Variants in ARSA observed in about 807,000 individuals in gnomAD.
ARSA encodes the protein arylsulfatase A.
In ARSA, 32 loss-of-function variants were observed where a neutral mutation model predicts 37.8. The observed-to-expected ratio is 0.85, with a 90% CI of 0.64 to 1.14. The LOEUF (loss-of-function observed/expected upper bound fraction) is 1.14. Ranked by LOEUF, ARSA falls within the 50% of genes most tolerant of loss-of-function variation. ARSA has a pLI of 0.00. For missense variants in ARSA, 685 were observed against 686.3 expected (o/e 1.00, Z 0.02); for synonymous variants, 303 against 303.4 (o/e 1.00, Z 0.01).
chr22:50,625,659 A>G lies in ARSA; in HGVS notation c.1130T>C (p.Phe377Ser). ...TGKSPRQSLF[F>S]YPSYPDEVRG... is the part of the protein sequence containing the mutation. ...GACCTCGTCTGGGTAGGACGGGTAG[A>G]AGAAGAGAGACTGCCGAGGGCTCTG... Residue 377 changes from phenylalanine to serine, a missense_variant, in exon 7 of 8, where the codon TTC (phenylalanine) becomes TCC (serine). By Grantham distance (155) the Phe-to-Ser change is radical (BLOSUM62 -2). Transcript: ENST00000216124. 1 of 1,613,638 alleles carries G rather than the reference A, an allele frequency of 6.2e-7. No individual in the cohort carries two copies. The highest frequency in any genetic ancestry group is 8.5e-7 in the Non-Finnish European group (1 of 1,179,938).
rs1359332879 is a variant in ARSA at position 50,626,054 on chromosome 22, T to C, written c.989A>G (p.His330Arg). The C allele has an allele frequency of 7.5e-6, 12 of 1,593,752 alleles. No homozygotes were observed. Among genetic ancestry groups the C allele is most frequent in the Admixed American group, 1.8e-5 (1 of 55,006 alleles). The change falls in exon 6 of 8, where the codon CAC becomes CGC. Residue 330 changes from histidine (H) to arginine (R), a missense_variant. Coordinates refer to ENST00000216124, the MANE Select transcript of ARSA (RefSeq NM_000487.6). ...CAGGTCCAGGGAGCTGGCCAGCTCG[T>C]GGGTCACGCCTGGGGGCAGGAGGCT... The part of the protein sequence containing the change: ...WPGHIAPGVT[H>R]ELASSLDLLP...
rs761860059 is a variant in ARSA at position 50,627,285 on chromosome 22, G to C, written c.346C>G (p.Arg116Gly). 4 of 1,591,966 alleles carry C rather than the reference G, an allele frequency of 2.5e-6. No individual in the cohort carries two copies. The South Asian group carries it at 3.4e-5, about 13-fold the overall frequency. Reference protein sequence around the residue: ...EVTVAEVLAARGYLTGMAGKW... With the variant: ...EVTVAEVLAAGGYLTGMAGKW... ...CCGGCCATTCCTGTGAGGTAGCCTC[G>C]GGCAGCCAGGACTTCGGCCACGGTC... The change falls in exon 2 of 8, where the codon CGA (arginine) becomes GGA (glycine). Residue 116 changes from arginine to glycine, a missense_variant. By Grantham distance (125) the Arg-to-Gly change is moderately radical. Transcript: ENST00000216124.
chr22:50,625,873 C>A (rs1478364499), intron 6 of ARSA, 63 bp downstream of exon 6: 9 of 1,555,126 alleles, frequency 5.8e-6, no homozygotes, highest in Non-Finnish European at 7.8e-6. Context: ...ACTGCCCACA[C>A]TCACCCCAGG....
Position 50,625,387 on chromosome 22 carries a change from G to A in ARSA, c.1288C>T (p.Leu430Phe), listed in dbSNP as rs763190974. 6.2e-7 allele frequency: 1 copy of A among 1,601,362 alleles called. No homozygotes were observed. Among genetic ancestry groups the A allele is most frequent in the East Asian group, 2.2e-5 (1 of 44,622 alleles). ...SSLTAHEPPLLYDLSKDPGEN... is the reference protein window; with the variant it reads ...SSLTAHEPPLFYDLSKDPGEN... The stretch of plus-strand genomic sequence containing the variant: ...CCAGGGTCCTTGGACAGGTCATAGA[G>A]CAGCGGGGGCTCATGAGCAGTCAGA... The change falls in exon 8 of 8, where the codon CTC becomes TTC. Residue 430 changes from leucine to phenylalanine, a missense_variant. Coordinates refer to ENST00000216124, the MANE Select transcript of ARSA (RefSeq NM_000487.6).
rs2082612887 is a variant in ARSA, at chr22:50,623,118, T to C, written c.*2027A>G. ...GGGAGGTGTCTGAACGCCCGGAAGG[T>C]GTGCTCCTCTCACTTGGCCAACACT... On this transcript the variant is annotated 3_prime_UTR_variant, in exon 8 of 8. Transcript: ENST00000216124. The C allele has an allele frequency of 6.6e-6, 1 of 152,308 alleles. No individual in the cohort carries two copies. The highest frequency in any genetic ancestry group is 2.1e-4 in the South Asian group (1 of 4,822). 9.4% of individuals were successfully genotyped at this position (152,308 alleles called of 1,614,324 possible). A position where few individuals can be genotyped will look rare whatever the true frequency, so the allele number is the denominator to read the frequency against.
In ARSA at chr22:50,625,337, AC is replaced by A. The variant is rs750030142; in HGVS notation, c.1337del (p.Gly446ValfsTer13). 1.9e-6 allele frequency: 3 copies of A among 1,611,646 alleles called. No homozygotes were observed. The highest frequency in any genetic ancestry group is 1.7e-6 in the Non-Finnish European group (2 of 1,179,234). ...DPGENYNLLG[G>X]VAGATPEVLQ... ...GCACCTCTGGGGTGGCCCCGGCCAC[AC>A]CCCCCAGCAGGTTGTAGTTCTCACC... On this transcript the variant is annotated frameshift_variant, in exon 8 of 8. Transcript: ENST00000216124. LOFTEE classifies it low-confidence loss of function (END_TRUNC).
At position 50,626,665 on chromosome 22, in the gene ARSA, C is replaced by T. The variant is rs368769871; in HGVS notation, c.780G>A (p.Val260=). 7 of 1,614,152 alleles carry T rather than the reference C, an allele frequency of 4.3e-6. No homozygotes were observed. The East Asian group carries it at 1.6e-4, about 36-fold the overall frequency. ...CCCCTATGGCTGTCATCAGGGTCCC[C>T]ACAGCTGCATCCAGCTCCATCAGGG... ...GDSLMELDAA[V]GTLMTAIGDL... is the part of the protein sequence containing the mutation. Residue 260 remains valine (V), a synonymous_variant, in exon 4 of 8, where the codon GTG becomes GTA. Coordinates refer to ENST00000216124, the MANE Select transcript of ARSA (RefSeq NM_000487.6).
intron 1 of ARSA, 41 bp from the exon 2 acceptor site, chr22:50,627,447 G>T: frequency 1.2e-6 from 2 of 1,606,898 alleles, no homozygotes; most frequent in Non-Finnish European, 1.7e-6. Flanking sequence ...AGACAGAAAT[G>T]TGGCCTTCCC....
In ARSA at chr22:50,626,690, G is replaced by A. The variant is rs199476367; in HGVS notation, c.755C>T (p.Ser252Phe). 1.2e-6 allele frequency: 2 copies of A among 1,614,162 alleles called. No homozygotes were observed. The highest frequency in any genetic ancestry group is 1.7e-6 in the Non-Finnish European group (2 of 1,180,026). The change falls in exon 4 of 8, where the codon TCC becomes TTC. Residue 252 changes from serine (S) to phenylalanine (F), a missense_variant. Physicochemically the swap from Ser to Phe is radical, Grantham distance 155. Transcript: ENST00000216124. ...CACAGCTGCATCCAGCTCCATCAGG[G>A]AGTCCCCAAATGGCCCGCGGCCTGA... The part of the protein sequence containing the change: ...ERSGRGPFGD[S>F]LMELDAAVGT...
chr22:50,627,419 T>C lies in ARSA; in HGVS notation c.225-13A>G, dbSNP rs1266813672. The C allele has an allele frequency of 8.1e-6, 13 of 1,608,034 alleles. No homozygotes were observed. The highest frequency in any genetic ancestry group is 1.0e-5 in the Non-Finnish European group (12 of 1,179,336). The stretch of plus-strand genomic sequence containing the variant: ...CAGGAGGGCGGCCCTGCGGGACAAG[T>C]CACAGAGTCCCTGAGACAGACAGAA... On this transcript the variant is annotated splice_polypyrimidine_tract_variant and intron_variant, in intron 1 of 7. Transcript: ENST00000216124.
rs992600065 is a variant in ARSA, at chr22:50,623,309, C to G, written c.*1836G>C. On this transcript the variant is annotated 3_prime_UTR_variant, in exon 8 of 8. Transcript: ENST00000216124. ...GTTGAAGGGAACAGCCAGGCCACCC[C>G]CTAAGACTGGGGGGAAGGGGGTGTG... The G allele has an allele frequency of 1.3e-5, 2 of 152,232 alleles. No individual in the cohort carries two copies. Among genetic ancestry groups the G allele is most frequent in the African/African-American group, 4.8e-5 (2 of 41,430 alleles). 9.4% of individuals were successfully genotyped at this position (152,232 alleles called of 1,614,324 possible). A position where few individuals can be genotyped will look rare whatever the true frequency, so the allele number is the denominator to read the frequency against.
rs2082681202 is a variant in ARSA at position 50,626,939 on chromosome 22, G to T, written c.579C>A (p.Pro193=). The T allele has an allele frequency of 6.2e-7, 1 of 1,613,130 alleles. No homozygotes were observed. Among genetic ancestry groups the T allele is most frequent in the East Asian group, 2.2e-5 (1 of 44,884 alleles). ...GGGCCTCTAGTCCGGGCAGCCAGGG[G>T]GGCTGCGCCTCCACGGACAGGTTGG... ...LLANLSVEAQ[P]PWLPGLEARY... is the part of the protein sequence containing the mutation. The change falls in exon 3 of 8, where the codon CCC becomes CCA. Residue 193 remains proline, a synonymous_variant. Coordinates refer to ENST00000216124, the MANE Select transcript of ARSA (RefSeq NM_000487.6).
At chr22:50,627,465 A>G in intron 1 of ARSA, 59 bp from the exon 2 acceptor site, 1 of 1,602,680 alleles carries the variant, frequency 6.2e-7, no homozygotes, top group South Asian at 1.1e-5. Context: ...CCCTAGAGAG[A>G]GAGACAGACG....
rs762284875 is a variant in ARSA at position 50,626,992 on chromosome 22, G to A, written c.526C>T (p.Gln176Ter). 1 of 1,612,458 alleles carries A rather than the reference G, an allele frequency of 6.2e-7. No homozygotes were observed. Among genetic ancestry groups the A allele is most frequent in the East Asian group, 2.2e-5 (1 of 44,856 alleles). ...PATPCDGGCDQGLVPIPLLAN... is the reference protein window; with the variant it reads ...PATPCDGGCD ...AACAGTGGGATGGGGACCAGGCCCT[G>A]GTCACAGCCACCGTCGCAAGGAGTG... is the stretch of plus-strand genomic sequence containing the variant. Residue 176 changes from glutamine to a stop codon, truncating the protein, a stop_gained, in exon 3 of 8, where the codon CAG (glutamine) becomes TAG (stop). Transcript: ENST00000216124. LOFTEE classifies it high-confidence loss of function.
chr22:50,626,319 C>A, intron 4 of ARSA, 41 bp from the exon 5 acceptor site: 1 of 1,603,288 alleles, frequency 6.2e-7, no homozygotes, highest in Non-Finnish European at 8.5e-7. Flanking sequence ...GAGCCACAGC[C>A]TCTGAGCCAC....
chr22:50,626,640 C>T lies in ARSA; in HGVS notation c.805G>A (p.Asp269Asn). 1 of 1,614,116 alleles carries T rather than the reference C, an allele frequency of 6.2e-7. No homozygotes were observed. The highest frequency in any genetic ancestry group is 8.5e-7 in the Non-Finnish European group (1 of 1,180,036). Residue 269 changes from aspartate (D) to asparagine (N), a missense_variant, in exon 4 of 8, where the codon GAC becomes AAC. By Grantham distance (23) the Asp-to-Asn change is conservative (BLOSUM62 1). Transcript: ENST00000216124. The part of the protein sequence containing the change: ...AVGTLMTAIG[D>N]LGLLEETLVI... Reference sequence around the variant, plus strand: ...AGCGTCTCTTCAAGCAGCCCCAGGTCCCCTATGGCTGTCATCAGGGTCCCC... The same window carrying T: ...AGCGTCTCTTCAAGCAGCCCCAGGTTCCCTATGGCTGTCATCAGGGTCCCC...
In ARSA at chr22:50,626,660, G is replaced by A. The variant is rs1312231617; in HGVS notation, c.785C>T (p.Thr262Ile). The A allele has an allele frequency of 6.2e-7, 1 of 1,614,024 alleles. No individual in the cohort carries two copies. Among genetic ancestry groups the A allele is most frequent in the African/African-American group, 1.3e-5 (1 of 74,928 alleles). The change falls in exon 4 of 8, where the codon ACC becomes ATC. Residue 262 changes from threonine to isoleucine, a missense_variant. Coordinates refer to ENST00000216124, the MANE Select transcript of ARSA (RefSeq NM_000487.6). ...SLMELDAAVG[T>I]LMTAIGDLGL... is the part of the protein sequence containing the mutation. ...CAGGTCCCCTATGGCTGTCATCAGGGTCCCCACAGCTGCATCCAGCTCCAT... is the reference window on the plus strand; with the variant it reads ...CAGGTCCCCTATGGCTGTCATCAGGATCCCCACAGCTGCATCCAGCTCCAT...
chr22:50,625,469 G>C lies in ARSA; in HGVS notation c.1211-5C>G, dbSNP rs778131215. On this transcript the variant is annotated splice_polypyrimidine_tract_variant and splice_region_variant and intron_variant, in intron 7 of 7. Coordinates refer to ENST00000216124, the MANE Select transcript of ARSA (RefSeq NM_000487.6). ...TGGTATCACTGTGGGCAGAGCCTGG[G>C]GAGGGGGCCAATTCTGTGCACAGGG... 4 of 1,605,604 alleles carry C rather than the reference G, an allele frequency of 2.5e-6. No homozygotes were observed. In the African/African-American group the frequency reaches 5.3e-5, roughly 21 times the overall value.
rs945445930 is a variant in ARSA, at chr22:50,626,084, A to G, written c.980-21T>C. The G allele has an allele frequency of 1.5e-5, 24 of 1,598,994 alleles. No homozygotes were observed. The African/African-American group carries it at 2.8e-4, about 19-fold the overall frequency. On this transcript the variant is annotated intron_variant, in intron 5 of 7. Coordinates refer to ENST00000216124, the MANE Select transcript of ARSA (RefSeq NM_000487.6). The stretch of plus-strand genomic sequence containing the variant: ...CACGCCTGGGGGCAGGAGGCTGGTC[A>G]GTCACTCAGTTCGCCATCAAGGTTG...
Sources: allele counts gnomAD v4.1 joint callset, GRCh38; gene constraint gnomAD v4.1.1; transcripts MANE v1.5; gene names NCBI Gene and HGNC (gene_info 2026-07-23, HGNC 2026-07-21).